Variants in STAU2 observed in about 807,000 individuals in gnomAD.
The protein encoded by STAU2 is staufen double-stranded RNA binding protein 2, also known as double-stranded RNA-binding protein Staufen homolog 2.
A neutral mutation model predicts 65.9 loss-of-function variants in STAU2; 20 were observed. That is an observed-to-expected ratio of 0.30 (90% confidence interval 0.21 to 0.44). The LOEUF is 0.44. Among genes scored for constraint, STAU2 ranks in the 20% least tolerant of loss-of-function variants. STAU2 has a pLI of 1.00. For synonymous variants in STAU2, 232 were observed against 233.9 expected (o/e 0.99, Z 0.07); for missense variants, 558 against 683.9 (o/e 0.82, Z 2.05).
intron 13 of STAU2, among the ~76,000 whole-genome samples, chr8:73,433,495 C>G (rs933967858): frequency 7.1e-6 from 1 of 141,202 alleles, no homozygotes; most frequent in African/African-American, 2.8e-5. Context: ...TGAGCCATCA[C>G]GCCCCGCCTT....
At chr8:73,550,956 C>A (rs1807291578) in intron 13 of STAU2, 1 of 985,240 alleles carries the variant, frequency 1.0e-6, no homozygotes. Context: ...CATGATCATT[C>A]TACACAATAC....
At chr8:73,553,035 C>T (rs1807449219) in intron 12 of STAU2, among the ~76,000 whole-genome samples, 1 of 152,118 alleles carries the variant, frequency 6.6e-6, no homozygotes, top group Non-Finnish European at 1.5e-5. Flanking sequence ...TTATCTAGTG[C>T]ATTAATTCAA....
chr8:73,560,558 G>C (rs1808147717), intron 12 of STAU2, among the ~76,000 whole-genome samples: 1 of 152,056 alleles, frequency 6.6e-6, no homozygotes, highest in Admixed American at 6.5e-5. Context: ...TTAATTTGGT[G>C]AATGTTTATG....
chr8:73,654,663 A>AAAAAAAAAAAAAAAAAT (rs1280392351), intron 6 of STAU2, among the ~76,000 whole-genome samples: 5 of 135,560 alleles, frequency 3.7e-5, no homozygotes, highest in African/African-American at 5.3e-5. Flanking sequence ...AAAAAAAAAG[A>AAAAAAAAAAAAAAAAAT]ACTCTTTTAA....
intron 6 of STAU2, among the ~76,000 whole-genome samples, chr8:73,663,167 A>C (rs1302378722): frequency 1.3e-5 from 2 of 152,212 alleles, no homozygotes; most frequent in African/African-American, 4.8e-5. Context: ...CTGTTGTAAC[A>C]CAAAAGCAGA....
chr8:73,480,428 G>C (rs1048977190), intron 13 of STAU2, among the ~76,000 whole-genome samples: 1 of 152,124 alleles, frequency 6.6e-6, no homozygotes, highest in Non-Finnish European at 1.5e-5. Context: ...GGTGTGATAA[G>C]TACAGACATA....
chr8:73,468,533 A>C (rs1210426311), intron 13 of STAU2, among the ~76,000 whole-genome samples: 2 of 152,242 alleles, frequency 1.3e-5, no homozygotes, highest in East Asian at 3.8e-4. Context: ...ACAGAATGGG[A>C]GAAAATTTTT....
intron 13 of STAU2, chr8:73,458,742 A>T (rs1219553804): frequency 6.6e-6 from 1 of 152,242 alleles, no homozygotes; most frequent in Non-Finnish European, 1.5e-5. Context: ...CATTTTATCC[A>T]GATATATTTG....
intron 9 of STAU2, among the ~76,000 whole-genome samples, chr8:73,608,634 A>T (rs116427419): frequency 0.15 from 22,888 of 150,688 alleles, 1,800 homozygotes; most frequent in African/African-American, 0.17. Context: ...AAGAAAAAGA[A>T]AAAAAAGAAA....
intron 13 of STAU2, among the ~76,000 whole-genome samples, chr8:73,498,118 C>T (rs1821532300): frequency 6.6e-6 from 1 of 151,802 alleles, no homozygotes; most frequent in Non-Finnish European, 1.5e-5. Context: ...ATTTAATGAA[C>T]ATTTAGCAGA....
intron 1 of STAU2, among the ~76,000 whole-genome samples, chr8:73,743,323 G>A (rs757362498): frequency 2.0e-4 from 30 of 151,570 alleles, no homozygotes; most frequent in Non-Finnish European, 1.0e-4. Flanking sequence ...TCATCATCTT[G>A]GGATGTAGGC....
chr8:73,727,444 G>A (rs1805724875), intron 3 of STAU2, among the ~76,000 whole-genome samples: 1 of 152,128 alleles, frequency 6.6e-6, no homozygotes, highest in Non-Finnish European at 1.5e-5. Flanking sequence ...ACCTATTGTG[G>A]ATATTTCACA....
At chr8:73,638,518 T>TAA (rs750824602) in intron 6 of STAU2, among the ~76,000 whole-genome samples, 10,505 of 141,816 alleles carry the variant, frequency 0.074, 402 homozygotes, top group Middle Eastern at 0.15. Context: ...TTTTTTTTTT[T>TAA]AAAAAGAGTC....
At chr8:73,598,634 GGAT>G (rs1409221107) in intron 10 of STAU2, among the ~76,000 whole-genome samples, 1 of 152,026 alleles carries the variant, frequency 6.6e-6, no homozygotes, top group Non-Finnish European at 1.5e-5. Context: ...AACAAGACAA[GGAT>G]GTTCCCTATT....
Position 73,707,399 on chromosome 8 carries a change from T to C in STAU2, c.114+1633A>G, listed in dbSNP as rs533802128. 9.9e-5 allele frequency among the ~76,000 whole-genome samples: 15 copies of C among 152,264 alleles called. No individual in the cohort carries two copies. In the East Asian group the frequency reaches 2.9e-3, roughly 29 times the overall value. On this transcript the variant is annotated intron_variant, in intron 4 of 14. Coordinates refer to ENST00000524300, the MANE Select transcript of STAU2 (RefSeq NM_001164380.2). ...GTAATGATAAGGTCAAGAATGTGATTATAGGCATGAGTGGCTGAAGGACAG... is the reference window on the plus strand; with the variant it reads ...GTAATGATAAGGTCAAGAATGTGATCATAGGCATGAGTGGCTGAAGGACAG...
In STAU2 at chr8:73,576,594, T is replaced by C. The variant is rs563527345; in HGVS notation, c.1222+6176A>G. ...GGTGAAGGTAAATATATTGGTAATGTCTAGTTCTTAAATTGGGCGGTGGGT... is the reference window on the plus strand; with the variant it reads ...GGTGAAGGTAAATATATTGGTAATGCCTAGTTCTTAAATTGGGCGGTGGGT... On this transcript the variant is annotated intron_variant, in intron 12 of 14. Coordinates refer to ENST00000524300, the MANE Select transcript of STAU2 (RefSeq NM_001164380.2). 1.1e-4 allele frequency among the ~76,000 whole-genome samples: 16 copies of C among 152,272 alleles called. No individual in the cohort carries two copies. In the South Asian group the frequency reaches 3.3e-3, roughly 32 times the overall value.
intron 13 of STAU2, among the ~76,000 whole-genome samples, chr8:73,522,217 T>C (rs1232274855): frequency 6.6e-6 from 1 of 152,214 alleles, no homozygotes; most frequent in Non-Finnish European, 1.5e-5. Flanking sequence ...GGGCTGTAAT[T>C]AGAAGGTGAC....
intron 1 of STAU2, among the ~76,000 whole-genome samples, chr8:73,744,879 TTGTC>T (rs1361929191): frequency 2.0e-5 from 3 of 152,262 alleles, no homozygotes; most frequent in African/African-American, 4.8e-5. Context: ...TTCTTGCCAT[TTGTC>T]TGTAAGCTTG....
chr8:73,625,665 C>T (rs75732597), intron 6 of STAU2, among the ~76,000 whole-genome samples: 12,507 of 152,162 alleles, frequency 0.082, 587 homozygotes, highest in Middle Eastern at 0.14. Flanking sequence ...ACTAAATGCA[C>T]AATGAATTGT....
Sources: gnomAD v4.1 joint callset for allele counts (sites outside exome capture counted in the v4.1 genomes callset) on GRCh38, gnomAD v4.1.1 for gene constraint, MANE v1.5 for transcripts, NCBI Gene and HGNC (gene_info 2026-07-23, HGNC 2026-07-21) for gene names.